Variants in MEGF11 observed in about 807,000 individuals in gnomAD.
MEGF11 encodes multiple epidermal growth factor-like domains protein 11.
Under a neutral mutation model 146.6 loss-of-function variants are expected in MEGF11, and 126 were observed. The ratio of observed to expected loss-of-function variants is 0.86; its 90% CI spans 0.74 to 1.00. MEGF11 has a LOEUF of 1.00. Ranked by LOEUF, MEGF11 falls within the 50% of genes least tolerant of loss-of-function variation. The probability of loss-of-function intolerance (pLI) is 0.00; values close to 1 mark genes in which losing one functional copy is unlikely to be tolerated. For missense variants in MEGF11, 1,509 were observed against 1,521.2 expected, an observed-to-expected ratio of 0.99 and a Z score of 0.13; for synonymous variants, 532 against 583.4, an observed-to-expected ratio of 0.91 and a Z score of 1.27.
chr15:66,173,006 C>T (rs1320880226), intron 1 of MEGF11, among the ~76,000 whole-genome samples: 1 of 152,196 alleles, frequency 6.6e-6, no homozygotes. Context: ...GTTCAAGGTG[C>T]TATCAGGGCT....
intron 4 of MEGF11, among the ~76,000 whole-genome samples, chr15:66,105,548 G>C (rs2087026967): frequency 6.6e-6 from 1 of 152,176 alleles, no homozygotes; most frequent in Admixed American, 6.5e-5. Context: ...CTATGTGCTG[G>C]CGGGGCAGGG....
chr15:66,117,954 T>C (rs933429557), intron 4 of MEGF11, among the ~76,000 whole-genome samples: 1 of 152,184 alleles, frequency 6.6e-6, no homozygotes, highest in Non-Finnish European at 1.5e-5. Flanking sequence ...TTGGGGGAGA[T>C]GTAACAACAG....
chr15:66,162,362 A>G (rs1337775503), intron 1 of MEGF11, among the ~76,000 whole-genome samples: 1 of 152,260 alleles, frequency 6.6e-6, no homozygotes, highest in Non-Finnish European at 1.5e-5. Context: ...ACCACAATAT[A>G]AACATTAGTT....
intron 5 of MEGF11, among the ~76,000 whole-genome samples, chr15:66,072,343 T>C (rs1597053380): frequency 6.6e-6 from 1 of 152,208 alleles, no homozygotes; most frequent in East Asian, 1.9e-4. Flanking sequence ...AATCTTCCCA[T>C]GAGCTCCCAT....
intron 8 of MEGF11, chr15:65,966,926 A>C (rs773845226): frequency 3.3e-5 from 5 of 151,918 alleles, no homozygotes; most frequent in Non-Finnish European, 5.9e-5. Flanking sequence ...CGGATAAGTC[A>C]AGGGTTAAAC....
At chr15:66,090,744 C>A (rs1201200824) in intron 5 of MEGF11, among the ~76,000 whole-genome samples, 1 of 152,212 alleles carries the variant, frequency 6.6e-6, no homozygotes, top group African/African-American at 2.4e-5. Context: ...ATGTGGTAAT[C>A]CATAGAATGA....
chr15:66,192,486 A>G (rs1055565708), intron 1 of MEGF11, among the ~76,000 whole-genome samples: 3 of 62,418 alleles, frequency 4.8e-5, no homozygotes, highest in African/African-American at 1.8e-4. Flanking sequence ...AAAATAAAAT[A>G]AAATAAAATA....
intron 9 of MEGF11, among the ~76,000 whole-genome samples, chr15:65,960,549 G>A (rs77746613): frequency 0.061 from 9,318 of 152,318 alleles, 414 homozygotes; most frequent in Non-Finnish European, 0.092. Context: ...TAGGGTTAGC[G>A]TAGAGAGACT....
At position 65,963,564 on chromosome 15, in the gene MEGF11, T is replaced by C. The variant is rs189342699; in HGVS notation, c.1112+1344A>G. Reference sequence around the variant, plus strand: ...GTAGTAACCCAAATAAAGCTATGCCTCACTACTGGTATTGTCTTGTATTTG... The same window carrying C: ...GTAGTAACCCAAATAAAGCTATGCCCCACTACTGGTATTGTCTTGTATTTG... On this transcript the variant is annotated intron_variant, in intron 9 of 25. Coordinates refer to ENST00000395614, the MANE Select transcript of MEGF11 (RefSeq NM_001385028.1). 1.1e-3 allele frequency among the ~76,000 whole-genome samples: 161 copies of C among 152,366 alleles called. 1 individual carries two copies. Among genetic ancestry groups the C allele is most frequent in the African/African-American group, 3.8e-3 (156 of 41,588 alleles).
chr15:66,163,723 C>A (rs921792372), intron 1 of MEGF11, among the ~76,000 whole-genome samples: 2 of 152,154 alleles, frequency 1.3e-5, no homozygotes, highest in African/African-American at 4.8e-5. Context: ...TATGGGAAGG[C>A]GGGCGGAGCC....
chr15:65,970,692 A>T lies in MEGF11; in HGVS notation c.763-3T>A. On this transcript the variant is annotated splice_polypyrimidine_tract_variant and splice_region_variant and intron_variant, in intron 7 of 25. Coordinates refer to ENST00000395614, the MANE Select transcript of MEGF11 (RefSeq NM_001385028.1). ...CAGGGCTGGGCACACACTGCTCCCTAAAAGAAAGGTGGGAAGACATGCATG... is the reference window on the plus strand; with the variant it reads ...CAGGGCTGGGCACACACTGCTCCCTTAAAGAAAGGTGGGAAGACATGCATG... 1 of 1,608,314 alleles carries T rather than the reference A, an allele frequency of 6.2e-7. No individual in the cohort carries two copies. The highest frequency in any genetic ancestry group is 8.5e-7 in the Non-Finnish European group (1 of 1,177,288).
rs139090826 is a variant in MEGF11 at position 66,062,207 on chromosome 15, G to C, written c.394+32195C>G. Among the ~76,000 whole-genome samples, 497 of 152,332 alleles carry C rather than the reference G, an allele frequency of 3.3e-3. 5 individuals are homozygous for C. Among genetic ancestry groups the C allele is most frequent in the African/African-American group, 0.011 (478 of 41,584 alleles). On this transcript the variant is annotated intron_variant, in intron 5 of 25. Transcript: ENST00000395614. ...CAGCAAGCAAAGGCCCACAGGCTAGGGTGGCCCCCATGTTTGTCCCCTCCC... is the reference window on the plus strand; with the variant it reads ...CAGCAAGCAAAGGCCCACAGGCTAGCGTGGCCCCCATGTTTGTCCCCTCCC...
chr15:66,082,931 C>T (rs998913079), intron 5 of MEGF11, among the ~76,000 whole-genome samples: 2 of 152,166 alleles, frequency 1.3e-5, no homozygotes, highest in African/African-American at 4.8e-5. Flanking sequence ...CCCTGCCTAT[C>T]TCCTTTTGGG....
At chr15:65,917,319 T>C (rs536180866) in intron 16 of MEGF11, among the ~76,000 whole-genome samples, 2 of 152,126 alleles carry the variant, frequency 1.3e-5, no homozygotes, top group South Asian at 2.1e-4. Context: ...ATGGGGACTT[T>C]CCTAGGGCAG....
At chr15:66,059,105 G>A (rs1002431201) in intron 5 of MEGF11, among the ~76,000 whole-genome samples, 5 of 152,146 alleles carry the variant, frequency 3.3e-5, no homozygotes, top group African/African-American at 1.2e-4. Context: ...TACCCTGGAG[G>A]AGCCTGCTCC....
chr15:66,209,361 AC>A (rs2091385636), intron 1 of MEGF11, among the ~76,000 whole-genome samples: 1 of 152,008 alleles, frequency 6.6e-6, no homozygotes, highest in Non-Finnish European at 1.5e-5. Context: ...AAAAAAAAAA[AC>A]AAAAAAAACT....
intron 1 of MEGF11, among the ~76,000 whole-genome samples, chr15:66,169,194 TC>T (rs997460009): frequency 3.3e-5 from 5 of 152,222 alleles, no homozygotes; most frequent in Non-Finnish European, 7.3e-5. Context: ...GACCGCAGCG[TC>T]CTGCCTGACG....
In MEGF11 at chr15:66,091,127, A is replaced by G. The variant is rs551373332; in HGVS notation, c.394+3275T>C. ...AAGCTTCTCTGAAAGGGTGTCACAC[A>G]TATAGACCCCACTCAGTGATCTCCA... On this transcript the variant is annotated intron_variant, in intron 5 of 25. Coordinates refer to ENST00000395614, the MANE Select transcript of MEGF11 (RefSeq NM_001385028.1). 3.3e-5 allele frequency among the ~76,000 whole-genome samples: 5 copies of G among 152,370 alleles called. No individual in the cohort carries two copies. In the South Asian group the frequency reaches 1.0e-3, roughly 32 times the overall value.
chr15:65,946,096 G>A lies in MEGF11; in HGVS notation c.1287+11451C>T, dbSNP rs574729753. The stretch of plus-strand genomic sequence containing the variant: ...TAGAACAGTGCCTGGCCCAGAGTAA[G>A]TGCTATAGATGCTTTCAGCGTTTTA... On this transcript the variant is annotated intron_variant, in intron 10 of 25. Transcript: ENST00000395614. 6.6e-5 allele frequency among the ~76,000 whole-genome samples: 10 copies of A among 152,326 alleles called. No individual in the cohort carries two copies. The South Asian group carries it at 1.7e-3, about 25-fold the overall frequency.
Sources: allele counts gnomAD v4.1 joint callset (sites outside exome capture counted in the v4.1 genomes callset), GRCh38; gene constraint gnomAD v4.1.1; transcripts MANE v1.5; gene names NCBI Gene and HGNC (gene_info 2026-07-23, HGNC 2026-07-21).